Variants in TASP1 observed in about 807,000 individuals in gnomAD.
TASP1 encodes the protein threonine aspartase 1.
A neutral mutation model predicts 56.6 loss-of-function variants in TASP1; 16 were observed. The observed-to-expected ratio is 0.28, with a 90% CI of 0.19 to 0.43. TASP1 has a LOEUF of 0.43. Ranked by LOEUF, TASP1 falls within the 20% of genes least tolerant of loss-of-function variation. The pLI is 1.00. For synonymous variants in TASP1, 179 were observed against 184.2 expected (o/e 0.97, Z 0.23); for missense variants, 393 against 511.6 (o/e 0.77, Z 2.24).
chr20:13,569,406 T>C, intron 7 of TASP1, 101 bp downstream of exon 7: 1 of 835,872 alleles, frequency 1.2e-6, no homozygotes, highest in Non-Finnish European at 1.8e-6. Flanking sequence ...ATATAAGTAT[T>C]CTTCCATAAA....
At chr20:13,574,172 C>T (rs1444284994) in intron 6 of TASP1, among the ~76,000 whole-genome samples, 1 of 151,818 alleles carries the variant, frequency 6.6e-6, no homozygotes, top group Admixed American at 6.6e-5. Flanking sequence ...GGAACAACAG[C>T]TCCTGCTCCC....
chr20:13,277,103 C>T, the TASP1 span, among the ~76,000 whole-genome samples: 1 of 151,528 alleles, frequency 6.6e-6, no homozygotes, highest in Non-Finnish European at 1.5e-5. Flanking sequence ...CCTGGCCAGG[C>T]AACAAGTCTA....
chr20:13,410,255 T>C (rs1180602621), intron 13 of TASP1, among the ~76,000 whole-genome samples: 2 of 152,232 alleles, frequency 1.3e-5, no homozygotes, highest in Non-Finnish European at 2.9e-5. Flanking sequence ...TTCTATATAC[T>C]TGCTATTGTG....
At chr20:13,557,191 C>G (rs1017763650) in intron 8 of TASP1, among the ~76,000 whole-genome samples, 1 of 151,934 alleles carries the variant, frequency 6.6e-6, no homozygotes, top group African/African-American at 2.4e-5. Flanking sequence ...TAGTAAAAAA[C>G]TGGAAAAAAA....
intron 8 of TASP1, among the ~76,000 whole-genome samples, chr20:13,547,178 CA>C (rs745606420): frequency 1.3e-5 from 2 of 152,152 alleles, no homozygotes; most frequent in African/African-American, 2.4e-5. Flanking sequence ...TGGACATACA[CA>C]AACAAAATAA....
chr20:13,287,366 G>A, the TASP1 span, among the ~76,000 whole-genome samples: 1 of 152,032 alleles, frequency 6.6e-6, no homozygotes, highest in African/African-American at 2.4e-5. Context: ...AACAACATGG[G>A]GAAACTGCCC....
At chr20:13,466,910 C>T (rs577977865) in intron 11 of TASP1, among the ~76,000 whole-genome samples, 1 of 152,162 alleles carries the variant, frequency 6.6e-6, no homozygotes, top group East Asian at 1.9e-4. Context: ...CTCATTGTAT[C>T]AATGGTAACT....
At chr20:13,362,929 C>A in the TASP1 span, among the ~76,000 whole-genome samples, 2 of 151,018 alleles carry the variant, frequency 1.3e-5, no homozygotes, top group African/African-American at 4.9e-5. Flanking sequence ...ATCTTTTGTT[C>A]TAATATTTGG....
chr20:13,234,163 A>G, the TASP1 span, among the ~76,000 whole-genome samples: 2 of 152,080 alleles, frequency 1.3e-5, no homozygotes, highest in African/African-American at 2.4e-5. Flanking sequence ...TACTCTTTGT[A>G]TGTCCGTGTA....
the TASP1 span, among the ~76,000 whole-genome samples, chr20:13,380,599 G>T: frequency 6.6e-6 from 1 of 152,302 alleles, no homozygotes; most frequent in Admixed American, 6.5e-5. Context: ...CAGAGCTCAA[G>T]CACTGTGCTG....
At chr20:13,446,296 A>G (rs2043409106) in intron 11 of TASP1, among the ~76,000 whole-genome samples, 5 of 152,126 alleles carry the variant, frequency 3.3e-5, no homozygotes, top group Admixed American at 3.3e-4. Context: ...TACTAGGCCT[A>G]ATGACCAGGT....
At chr20:13,250,962 T>C in the TASP1 span, among the ~76,000 whole-genome samples, 1,129 of 152,342 alleles carry the variant, frequency 7.4e-3, 44 homozygotes, top group Admixed American at 0.064. Flanking sequence ...AGAATTATTT[T>C]ATCATCTCTT....
chr20:13,387,322 T>C (rs1454663510), downstream of TASP1, among the ~76,000 whole-genome samples: 2 of 150,756 alleles, frequency 1.3e-5, no homozygotes, highest in Non-Finnish European at 3.0e-5. Context: ...GCCTCCCAAT[T>C]AGTTGGGATT....
At chr20:13,627,977 G>A (rs1480864178) in intron 2 of TASP1, among the ~76,000 whole-genome samples, 2 of 152,090 alleles carry the variant, frequency 1.3e-5, no homozygotes, top group Admixed American at 1.3e-4. Context: ...CTTATGCACT[G>A]GTCTCCTACG....
At chr20:13,489,133 G>T (rs1002180091) in intron 10 of TASP1, among the ~76,000 whole-genome samples, 1 of 152,100 alleles carries the variant, frequency 6.6e-6, no homozygotes, top group East Asian at 1.9e-4. Flanking sequence ...TCAAACCTAG[G>T]TGAAAGGAAC....
chr20:13,111,402 T>C, the TASP1 span, among the ~76,000 whole-genome samples: 9 of 152,084 alleles, frequency 5.9e-5, no homozygotes, highest in African/African-American at 1.9e-4. Flanking sequence ...ATAACTGCAG[T>C]AGTGTGTGAC....
the TASP1 span, among the ~76,000 whole-genome samples, chr20:13,304,149 A>G: frequency 1.3e-5 from 2 of 152,338 alleles, no homozygotes; most frequent in East Asian, 3.9e-4. Flanking sequence ...GCAGTGAAGT[A>G]CTGTCCAATG....
intron 1 of TASP1, among the ~76,000 whole-genome samples, chr20:13,636,398 G>T (rs1173439165): frequency 6.8e-6 from 1 of 148,098 alleles, no homozygotes; most frequent in African/African-American, 2.5e-5. Context: ...GACCTCAAAT[G>T]ATCCGCCTGC....
the TASP1 span, among the ~76,000 whole-genome samples, chr20:13,259,413 C>A: frequency 2.0e-5 from 3 of 152,140 alleles, no homozygotes; most frequent in African/African-American, 7.2e-5. Flanking sequence ...AACTTCCCCT[C>A]TGTAATCTAA....
Sources: allele counts gnomAD v4.1 joint callset (sites outside exome capture counted in the v4.1 genomes callset), GRCh38; gene constraint gnomAD v4.1.1; transcripts MANE v1.5; gene names NCBI Gene and HGNC (gene_info 2026-07-23, HGNC 2026-07-21).